CLCN6: variants seen among roughly 807,000 people sequenced by gnomAD.
CLCN6 encodes Cl-/H+ antiporter 6, also known as H(+)/Cl(-) exchange transporter 6.
In CLCN6, 70 loss-of-function variants were observed where a neutral mutation model predicts 109.8. The ratio of observed to expected loss-of-function variants is 0.64; its 90% CI spans 0.53 to 0.78. The LOEUF (loss-of-function observed/expected upper bound fraction) is 0.78, where lower values mean the gene tolerates loss of function less well. Among genes scored for constraint, CLCN6 ranks in the 30% least tolerant of loss-of-function variants. The pLI, the probability that CLCN6 is intolerant of heterozygous loss-of-function variation, is 0.00. For missense variants in CLCN6, 984 were observed against 1,142.3 expected (o/e 0.86, Z 2.00); for synonymous variants, 444 against 447.8 (o/e 0.99, Z 0.11).
At chr1:11,806,443 G>T (rs1644511870) in intron 1 of CLCN6, 94 bp downstream of exon 1, 3 of 1,190,304 alleles carry the variant, frequency 2.5e-6, no homozygotes, top group Admixed American at 4.0e-5. Context: ...ATCTGGGCCC[G>T]CAGGTGGCAG....
At chr1:11,807,804 T>A (rs1454660368) in intron 2 of CLCN6, among the ~76,000 whole-genome samples, 1 of 152,212 alleles carries the variant, frequency 6.6e-6, no homozygotes, top group Non-Finnish European at 1.5e-5. Context: ...TTACTAAGTA[T>A]CTTTCTACAT....
At chr1:11,823,559 G>A in intron 6 of CLCN6, 148 bp from the exon 7 acceptor site, 1 of 949,950 alleles carries the variant, frequency 1.1e-6, no homozygotes, top group East Asian at 2.5e-5. Flanking sequence ...GTGGGGCCCA[G>A]CAGCTGTGGT....
rs1413968434 is a variant in CLCN6 at position 11,830,844 on chromosome 1, G to GTT, written c.1248+1528_1248+1529dup. ...CACATTATATATTTCTGTTTGTTTT[G>GTT]TTTTTTTAAGACGGAGTCTTACTCT... On this transcript the variant is annotated intron_variant, in intron 13 of 22. Coordinates refer to ENST00000346436, the MANE Select transcript of CLCN6 (RefSeq NM_001286.5). Among the ~76,000 whole-genome samples the GTT allele has an allele frequency of 5.3e-5, 7 of 132,512 alleles. No individual in the cohort carries two copies. The South Asian group carries it at 1.7e-3, about 33-fold the overall frequency. The allele number at this position is 132,512 out of a possible 152,430, so 86.9% of individuals were successfully genotyped here.
In CLCN6 at chr1:11,840,488, C is replaced by G; in HGVS notation, c.*265C>G. 1 of 545,006 alleles carries G rather than the reference C, an allele frequency of 1.8e-6. No homozygotes were observed. Among genetic ancestry groups the G allele is most frequent in the South Asian group, 2.0e-5 (1 of 49,158 alleles). 33.8% of individuals were successfully genotyped at this position (545,006 alleles called of 1,614,324 possible). On this transcript the variant is annotated 3_prime_UTR_variant, in exon 23 of 23. Coordinates refer to ENST00000346436, the MANE Select transcript of CLCN6 (RefSeq NM_001286.5). ...TCCCACCCTCCAGTGTTGGCACAGG[C>G]CCACCCCTGGCTCCACCAGAGCCAG... is the stretch of plus-strand genomic sequence containing the variant.
In CLCN6 at chr1:11,815,849, T is replaced by G. The variant is rs779413776; in HGVS notation, c.151T>G (p.Leu51Val). 1.8e-5 allele frequency: 29 copies of G among 1,613,454 alleles called. No homozygotes were observed. Among genetic ancestry groups the G allele is most frequent in the Non-Finnish European group, 2.0e-5 (24 of 1,179,660 alleles). The change falls in exon 3 of 23, where the codon TTG becomes GTG. Residue 51 changes from leucine to valine, a missense_variant. By Grantham distance (32) the Leu-to-Val change is conservative. Coordinates refer to ENST00000346436, the MANE Select transcript of CLCN6 (RefSeq NM_001286.5). ...ACTCAACTTTGCCTCTTTTCAGAGT[T>G]TGGATTATGATCGCTGTATCAATGA... is the stretch of plus-strand genomic sequence containing the variant. The part of the protein sequence containing the change: ...EILPRKDYES[L>V]DYDRCINDPY...
At chr1:11,832,367 C>T (rs1644892717) in intron 13 of CLCN6, among the ~76,000 whole-genome samples, 2 of 152,250 alleles carry the variant, frequency 1.3e-5, no homozygotes, top group African/African-American at 2.4e-5. Context: ...GGATGTTTCT[C>T]AGTGCAGTTG....
intron 20 of CLCN6, among the ~76,000 whole-genome samples, chr1:11,837,853 G>C (rs1392399711): frequency 6.6e-6 from 1 of 152,072 alleles, no homozygotes; most frequent in Non-Finnish European, 1.5e-5. Flanking sequence ...GCGTTCTCCT[G>C]TGTATCTTCT....
rs1448145973 is a variant in CLCN6 at position 11,836,126 on chromosome 1, G to A, written c.1953G>A (p.Gln651=). 1.9e-6 allele frequency: 3 copies of A among 1,613,146 alleles called. No individual in the cohort carries two copies. The Admixed American group carries it at 5.0e-5, about 27-fold the overall frequency. The part of the protein sequence containing the change: ...GNEKEFMKGN[Q]LISNNIKFKK... ...AGAAGGAGTTCATGAAGGGCAACCAGCTCATCAGCAACAACATCAAGTTCA... is the reference window on the plus strand; with the variant it reads ...AGAAGGAGTTCATGAAGGGCAACCAACTCATCAGCAACAACATCAAGTTCA... Residue 651 remains glutamine, a synonymous_variant, in exon 18 of 23, where the codon CAG becomes CAA. Coordinates refer to ENST00000346436, the MANE Select transcript of CLCN6 (RefSeq NM_001286.5).
rs917506820 is a variant in CLCN6 at position 11,828,506 on chromosome 1, G to T, written c.1003G>T (p.Gly335Cys). The change falls in exon 12 of 23, where the codon GGT becomes TGT. Residue 335 changes from glycine (G) to cysteine (C), a missense_variant. Gly to Cys is a radical substitution (Grantham distance 159). Transcript: ENST00000346436. Reference protein sequence around the residue: ...KCHLWTAMDLGFFVVMGVIGG... With the variant: ...KCHLWTAMDLCFFVVMGVIGG... Reference sequence around the variant, plus strand: ...TCATCTCTGGACAGCTATGGATTTGGGTTTCTTCGTCGTGATGGGGGTCAT... The same window carrying T: ...TCATCTCTGGACAGCTATGGATTTGTGTTTCTTCGTCGTGATGGGGGTCAT... 11 of 1,613,978 alleles carry T rather than the reference G, an allele frequency of 6.8e-6. No individual in the cohort carries two copies. In the African/African-American group the frequency reaches 1.5e-4, roughly 22 times the overall value.
At position 11,840,542 on chromosome 1, in the gene CLCN6, G is replaced by A; in HGVS notation, c.*319G>A. 1 of 456,632 alleles carries A rather than the reference G, an allele frequency of 2.2e-6. No individual in the cohort carries two copies. The highest frequency in any genetic ancestry group is 4.1e-6 in the Non-Finnish European group (1 of 246,162). The allele number at this position is 456,632 out of a possible 1,614,324, so 28.3% of individuals were successfully genotyped here. A position where few individuals can be genotyped will look rare whatever the true frequency, so the allele number is the denominator to read the frequency against. On this transcript the variant is annotated 3_prime_UTR_variant, in exon 23 of 23. Coordinates refer to ENST00000346436, the MANE Select transcript of CLCN6 (RefSeq NM_001286.5). ...CAGAGGTAGAATCAGGCGGGCCCCGGGCTGCACTCCGAGCAGTGTTCCTGG... is the reference window on the plus strand; with the variant it reads ...CAGAGGTAGAATCAGGCGGGCCCCGAGCTGCACTCCGAGCAGTGTTCCTGG...
At chr1:11,815,121 A>G (rs890658347) in intron 2 of CLCN6, among the ~76,000 whole-genome samples, 1 of 152,168 alleles carries the variant, frequency 6.6e-6, no homozygotes, top group Non-Finnish European at 1.5e-5. Flanking sequence ...CATAGACACT[A>G]ACTACAAAAG....
intron 10 of CLCN6, among the ~76,000 whole-genome samples, chr1:11,827,750 C>A (rs1644831775): frequency 2.0e-5 from 3 of 152,198 alleles, no homozygotes; most frequent in African/African-American, 7.2e-5. Context: ...AAATGTGAAA[C>A]TGGCTGTTGT....
Position 11,833,636 on chromosome 1 carries a change from A to C in CLCN6, c.1370A>C (p.Asp457Ala). 1 of 1,613,446 alleles carries C rather than the reference A, an allele frequency of 6.2e-7. No individual in the cohort carries two copies. Among genetic ancestry groups the C allele is most frequent in the Non-Finnish European group, 8.5e-7 (1 of 1,180,012 alleles). ...ESAILQLFHQ[D>A]GTFSPVTLAL... ...GCCATCCTCCAGCTCTTCCACCAGG[A>C]TGGTGAGTGTCTGCACTGCAGCCCA... Residue 457 changes from aspartate (D) to alanine (A), a missense_variant and splice_region_variant, in exon 14 of 23, where the codon GAT becomes GCT. By Grantham distance (126) the Asp-to-Ala change is moderately radical (BLOSUM62 -2). Transcript: ENST00000346436.
At chr1:11,830,377 CATAA>C (rs1644864183) in intron 13 of CLCN6, 1 of 151,794 alleles carries the variant, frequency 6.6e-6, no homozygotes, top group Non-Finnish European at 1.5e-5. Flanking sequence ...GGATGCAAAA[CATAA>C]AAAAGAACAA....
Position 11,829,305 on chromosome 1 carries a change from G to A in CLCN6, c.1231G>A (p.Asp411Asn). The A allele has an allele frequency of 1.2e-6, 2 of 1,614,090 alleles. No individual in the cohort carries two copies. The highest frequency in any genetic ancestry group is 1.7e-6 in the Non-Finnish European group (2 of 1,179,998). ...GTCCTCTTCGAGTCAAATCGGTAAT[G>A]ACTCATTCCAGCTCCAGGTAACCCC... The part of the protein sequence containing the change: ...QMSSSSQIGN[D>N]SFQLQVTEDV... Residue 411 changes from aspartate to asparagine, a missense_variant, in exon 13 of 23, where the codon GAC becomes AAC. Coordinates refer to ENST00000346436, the MANE Select transcript of CLCN6 (RefSeq NM_001286.5).
At position 11,834,093 on chromosome 1, in the gene CLCN6, C is replaced by T; in HGVS notation, c.1526+63C>T. Reference sequence around the variant, plus strand: ...GTGTGTGCACGTGTGCGTGTGTATGCATGTGTGTGCGTGTGCGTGCGTTGA... The same window carrying T: ...GTGTGTGCACGTGTGCGTGTGTATGTATGTGTGTGCGTGTGCGTGCGTTGA... On this transcript the variant is annotated intron_variant, in intron 15 of 22. Transcript: ENST00000346436. The surrounding 1 kb of genome is among the most constrained non-coding windows in gnomAD (Gnocchi z 4.5). The T allele has an allele frequency of 1.3e-6, 2 of 1,597,928 alleles. No homozygotes were observed. The highest frequency in any genetic ancestry group is 1.7e-6 in the Non-Finnish European group (2 of 1,171,848).
chr1:11,829,434 C>A, intron 13 of CLCN6, 112 bp downstream of exon 13: 2 of 1,260,926 alleles, frequency 1.6e-6, no homozygotes, highest in Non-Finnish European at 2.3e-6. Flanking sequence ...CCTTCCACAC[C>A]CATTACCTGA....
intron 2 of CLCN6, among the ~76,000 whole-genome samples, chr1:11,809,237 A>G (rs934383733): frequency 6.6e-6 from 1 of 151,960 alleles, no homozygotes; most frequent in Admixed American, 6.6e-5. Flanking sequence ...GATACTCCAT[A>G]TTGTTCTGTC....
At position 11,841,680 on chromosome 1, in the gene CLCN6, G is replaced by T. The variant is rs1175324266; in HGVS notation, c.*1457G>T. 3 of 152,264 alleles carry T rather than the reference G, an allele frequency of 2.0e-5. No homozygotes were observed. The highest frequency in any genetic ancestry group is 7.2e-5 in the African/African-American group (3 of 41,460). 9.4% of individuals were successfully genotyped at this position (152,264 alleles called of 1,614,324 possible). On this transcript the variant is annotated 3_prime_UTR_variant, in exon 23 of 23. Coordinates refer to ENST00000346436, the MANE Select transcript of CLCN6 (RefSeq NM_001286.5). ...ACAGCTCTCAGGCCCAGCCCTGGGC[G>T]ACCTCCTTGGCCAAGTCTGCCTTTC...
Sources: allele counts gnomAD v4.1 joint callset (sites outside exome capture counted in the v4.1 genomes callset), GRCh38; gene constraint gnomAD v4.1.1; non-coding constraint Gnocchi (gnomAD v3.1); transcripts MANE v1.5; gene names NCBI Gene and HGNC (gene_info 2026-07-23, HGNC 2026-07-21).